Variants in FER observed in about 807,000 individuals in gnomAD.
FER encodes the protein tyrosine-protein kinase Fer.
A neutral mutation model predicts 111.0 loss-of-function variants in FER; 63 were observed. That is an observed-to-expected ratio of 0.57 (90% CI 0.46 to 0.70). The LOEUF (loss-of-function observed/expected upper bound fraction) is 0.70. Among genes scored for constraint, FER ranks in the 30% least tolerant of loss-of-function variants. The pLI is 0.00. For synonymous variants in FER, 327 were observed against 313.9 expected, an observed-to-expected ratio of 1.04 and a Z score of -0.44; for missense variants, 914 against 954.0, an observed-to-expected ratio of 0.96 and a Z score of 0.55.
intron 17 of FER, among the ~76,000 whole-genome samples, chr5:109,125,880 A>G (rs1751652621): frequency 6.6e-6 from 1 of 152,210 alleles, no homozygotes; most frequent in Admixed American, 6.5e-5. Flanking sequence ...TTTAGGCATC[A>G]CCTGACTGTT....
intron 3 of FER, chr5:108,820,440 A>T (rs1346085349): frequency 7.1e-6 from 7 of 985,466 alleles, no homozygotes; most frequent in Non-Finnish European, 8.4e-6. Flanking sequence ...TCAAAAGAAG[A>T]ACAAGAAAGG....
At chr5:109,049,642 G>T (rs1442571454) in intron 16 of FER, among the ~76,000 whole-genome samples, 2 of 151,956 alleles carry the variant, frequency 1.3e-5, no homozygotes, top group Non-Finnish European at 2.9e-5. Context: ...TGATGGACAA[G>T]GTCTACATTA....
At chr5:108,919,141 A>G (rs1433692899) in intron 10 of FER, among the ~76,000 whole-genome samples, 1 of 152,078 alleles carries the variant, frequency 6.6e-6, no homozygotes, top group Non-Finnish European at 1.5e-5. Context: ...GGTAATTTTC[A>G]ATGTTAAACT....
At chr5:108,804,439 G>A (rs72791985) in intron 3 of FER, among the ~76,000 whole-genome samples, 1,653 of 152,208 alleles carry the variant, frequency 0.011, 13 homozygotes, top group Middle Eastern at 0.017. Context: ...TCAAGCATTT[G>A]CCGTTCAGTA....
chr5:109,092,598 G>A (rs1325716353), intron 16 of FER, among the ~76,000 whole-genome samples: 1 of 152,026 alleles, frequency 6.6e-6, no homozygotes, highest in East Asian at 1.9e-4. Context: ...TATAAAAAAA[G>A]TAGAAGATAA....
chr5:108,840,194 A>T (rs1485119218), intron 5 of FER, among the ~76,000 whole-genome samples: 1 of 152,206 alleles, frequency 6.6e-6, no homozygotes, highest in Non-Finnish European at 1.5e-5. Flanking sequence ...ATTCTTCTAA[A>T]AAGCCACAAT....
At position 109,193,261 on chromosome 5, in the gene FER, C is replaced by CT. The variant is rs1249368456; in HGVS notation, c.*5687dup. On this transcript the variant is annotated 3_prime_UTR_variant, in exon 20 of 20. Transcript: ENST00000281092. ...TCAGACACAACGGTGGTTCAGCCCT[C>CT]TCCCTAAGCAGTAGCAAGCTGAGTA... The CT allele has an allele frequency of 2.0e-5, 3 of 152,122 alleles. No homozygotes were observed. The highest frequency in any genetic ancestry group is 7.2e-5 in the African/African-American group (3 of 41,416). The allele number at this position is 152,122 out of a possible 1,614,324, so 9.4% of individuals were successfully genotyped here.
Position 108,987,382 on chromosome 5 carries a change from G to C in FER, c.1656+28035G>C, listed in dbSNP as rs191061510. On this transcript the variant is annotated intron_variant, in intron 13 of 19. Coordinates refer to ENST00000281092, the MANE Select transcript of FER (RefSeq NM_005246.4). Reference sequence around the variant, plus strand: ...AATCGCTTGAACCTGGGAGGTGGAGGTTGCAGTGAGATGAGATCACGCCCT... The same window carrying C: ...AATCGCTTGAACCTGGGAGGTGGAGCTTGCAGTGAGATGAGATCACGCCCT... Among the ~76,000 whole-genome samples, 434 of 152,200 alleles carry C rather than the reference G, an allele frequency of 2.9e-3. 1 individual carries two copies. The highest frequency in any genetic ancestry group is 6.8e-3 in the Middle Eastern group (2 of 294).
intron 16 of FER, among the ~76,000 whole-genome samples, chr5:109,098,936 A>C (rs1747869508): frequency 6.6e-6 from 1 of 151,690 alleles, no homozygotes; most frequent in South Asian, 2.1e-4. Context: ...AGTTAGGCAG[A>C]TGTTTATTTT....
intron 17 of FER, among the ~76,000 whole-genome samples, chr5:109,131,560 TTATTTCAATTTTTCTTTTAA>T (rs1431746153): frequency 6.6e-6 from 1 of 152,154 alleles, no homozygotes; most frequent in African/African-American, 2.4e-5. Context: ...AACATTTACA[TTATTTCAATTTTTCTTTTAA>T]TATTTCAATT....
At position 108,939,496 on chromosome 5, in the gene FER, T is replaced by C. The variant is rs368982778; in HGVS notation, c.1237-6634T>C. ...AGTTCAAACCATGTCGTCAAGGATT[T>C]GTTTTCATTTCGCAGCTCTACCTTC... On this transcript the variant is annotated intron_variant, in intron 10 of 19. Coordinates refer to ENST00000281092, the MANE Select transcript of FER (RefSeq NM_005246.4). 5.8e-4 allele frequency among the ~76,000 whole-genome samples: 89 copies of C among 152,164 alleles called. No individual in the cohort carries two copies. In the East Asian group the frequency reaches 0.014, roughly 23 times the overall value.
intron 13 of FER, among the ~76,000 whole-genome samples, chr5:108,993,584 G>GGC (rs1289548805): frequency 1.4e-5 from 2 of 148,004 alleles, no homozygotes; most frequent in East Asian, 3.9e-4. Context: ...AGAGGGAGAG[G>GGC]GAGAGGGAGA....
chr5:109,167,210 C>T (rs1392422898), intron 17 of FER, among the ~76,000 whole-genome samples: 2 of 152,074 alleles, frequency 1.3e-5, no homozygotes, highest in East Asian at 1.9e-4. Flanking sequence ...CTGGTTGATA[C>T]GTACATACAT....
chr5:109,031,458 A>G (rs1003849623), intron 13 of FER, among the ~76,000 whole-genome samples: 2 of 152,192 alleles, frequency 1.3e-5, no homozygotes, highest in Admixed American at 6.6e-5. Flanking sequence ...TATACATTCT[A>G]TATTTGTATA....
At chr5:109,153,135 A>G (rs1478675202) in intron 17 of FER, among the ~76,000 whole-genome samples, 1 of 151,850 alleles carries the variant, frequency 6.6e-6, no homozygotes, top group Non-Finnish European at 1.5e-5. Flanking sequence ...TTATGATCTC[A>G]TGAAGCAGAG....
At position 108,910,943 on chromosome 5, in the gene FER, A is replaced by G. The variant is rs530700259; in HGVS notation, c.1236+13095A>G. ...CTTTGCTATTGTGAAGAGTATTACAATAAACATATGAGTGTAGGTGTCTTT... is the reference window on the plus strand; with the variant it reads ...CTTTGCTATTGTGAAGAGTATTACAGTAAACATATGAGTGTAGGTGTCTTT... On this transcript the variant is annotated intron_variant, in intron 10 of 19. Transcript: ENST00000281092. 5.3e-5 allele frequency among the ~76,000 whole-genome samples: 8 copies of G among 152,238 alleles called. No homozygotes were observed. In the South Asian group the frequency reaches 1.5e-3, roughly 28 times the overall value.
intron 16 of FER, among the ~76,000 whole-genome samples, chr5:109,068,384 A>C (rs754490777): frequency 1.2e-4 from 18 of 152,090 alleles, no homozygotes; most frequent in Non-Finnish European, 1.8e-4. Flanking sequence ...GGGTTTCACC[A>C]TATTGGCCAG....
intron 13 of FER, among the ~76,000 whole-genome samples, chr5:108,989,228 T>C (rs975537333): frequency 2.6e-5 from 4 of 151,954 alleles, no homozygotes; most frequent in African/African-American, 9.7e-5. Context: ...TTTATTATAA[T>C]AGAAAAAAAT....
chr5:108,959,734 A>G (rs977873726), intron 13 of FER, among the ~76,000 whole-genome samples: 3 of 152,096 alleles, frequency 2.0e-5, no homozygotes, highest in Admixed American at 2.0e-4. Flanking sequence ...TTAATTTGGG[A>G]TGTTACATTT....
Sources: gnomAD v4.1 joint callset for allele counts (sites outside exome capture counted in the v4.1 genomes callset) on GRCh38, gnomAD v4.1.1 for gene constraint, MANE v1.5 for transcripts, NCBI Gene and HGNC (gene_info 2026-07-23, HGNC 2026-07-21) for gene names.